The following CHODL variants were observed in gnomAD, a reference collection of about 807,000 sequenced individuals.
CHODL encodes chondrolectin.
A neutral mutation model predicts 34.5 loss-of-function variants in CHODL; 29 were observed. The ratio of observed to expected loss-of-function variants is 0.84; its 90% CI spans 0.63 to 1.15. CHODL has a LOEUF of 1.15. Among genes scored for constraint, CHODL ranks in the 50% most tolerant of loss-of-function variants. The pLI is 0.00. For synonymous variants in CHODL, 125 were observed against 116.1 expected, an observed-to-expected ratio of 1.08 and a Z score of -0.49; for missense variants, 332 against 332.5, an observed-to-expected ratio of 1.00 and a Z score of 0.01.
intron 2 of CHODL, among the ~76,000 whole-genome samples, chr21:18,082,219 C>T (rs2064951150): frequency 6.6e-6 from 1 of 152,174 alleles, no homozygotes; most frequent in South Asian, 2.1e-4. Context: ...TTCTCTCCTG[C>T]TATGCCATGG....
At chr21:18,175,486 G>A (rs9976823) in intron 2 of CHODL, among the ~76,000 whole-genome samples, 73,705 of 151,562 alleles carry the variant, frequency 0.49, 20,730 homozygotes, top group Non-Finnish European at 0.65. Context: ...CCAGCTACTC[G>A]GGAGGCTGAG....
At chr21:18,223,943 A>C (rs2073907775) in intron 2 of CHODL, among the ~76,000 whole-genome samples, 1 of 152,238 alleles carries the variant, frequency 6.6e-6, no homozygotes, top group Non-Finnish European at 1.5e-5. Context: ...CCAAGAGCCC[A>C]GTGTTAGCGA....
chr21:18,121,214 C>A (rs1448571919), intron 2 of CHODL, among the ~76,000 whole-genome samples: 1 of 152,232 alleles, frequency 6.6e-6, no homozygotes, highest in Admixed American at 6.5e-5. Flanking sequence ...CTTTTGACTT[C>A]CCTGGGCCAC....
chr21:18,183,690 T>C (rs2073408005), intron 2 of CHODL, among the ~76,000 whole-genome samples: 1 of 152,206 alleles, frequency 6.6e-6, no homozygotes, highest in African/African-American at 2.4e-5. Flanking sequence ...CAAAATGTCA[T>C]AATTTTATAC....
chr21:18,120,983 T>C (rs2146576767), intron 2 of CHODL, among the ~76,000 whole-genome samples: 1 of 152,262 alleles, frequency 6.6e-6, no homozygotes, highest in South Asian at 2.1e-4. Flanking sequence ...GTTATAAGGC[T>C]CGGATTGCAT....
intron 2 of CHODL, among the ~76,000 whole-genome samples, chr21:18,066,624 G>T (rs565747223): frequency 6.6e-6 from 1 of 152,264 alleles, no homozygotes; most frequent in African/African-American, 2.4e-5. Context: ...TTTCTGGAAA[G>T]TATAACTTAG....
rs1312405955 is a variant in CHODL, at chr21:18,260,204, T to G, written c.552T>G (p.Ile184Met). The change falls in exon 4 of 6, where the codon ATT becomes ATG. Residue 184 changes from isoleucine (I) to methionine (M), a missense_variant. By Grantham distance (10) the Ile-to-Met change is conservative. Coordinates refer to ENST00000299295, the MANE Select transcript of CHODL (RefSeq NM_024944.3). ...GGTGGTTCTTATTATTTACAGAGAT[T>G]AATCCAACAGCCCCTGTAGAAAAGC... ...HNYICKYEPE[I>M]NPTAPVEKPY... 2.6e-6 allele frequency: 4 copies of G among 1,545,488 alleles called. No individual in the cohort carries two copies. The highest frequency in any genetic ancestry group is 2.5e-5 in the South Asian group (2 of 79,912).
At chr21:18,203,507 AT>A (rs2073678444) in intron 2 of CHODL, among the ~76,000 whole-genome samples, 1 of 152,146 alleles carries the variant, frequency 6.6e-6, no homozygotes, top group African/African-American at 2.4e-5. Context: ...CTAGCTACAC[AT>A]TCCATTTTCT....
At chr21:18,192,534 T>A (rs1203403780) in intron 2 of CHODL, among the ~76,000 whole-genome samples, 1 of 152,198 alleles carries the variant, frequency 6.6e-6, no homozygotes, top group African/African-American at 2.4e-5. Context: ...TACGGTTATA[T>A]AGCTTAATTC....
intron 1 of CHODL, among the ~76,000 whole-genome samples, chr21:18,003,121 C>CAAA (rs372188101): frequency 1.3e-5 from 1 of 75,676 alleles, no homozygotes; most frequent in African/African-American, 4.6e-5. Context: ...GACTCCGTCT[C>CAAA]AAAAAAAAAA....
intron 2 of CHODL, among the ~76,000 whole-genome samples, chr21:18,238,667 G>C (rs772234417): frequency 4.6e-5 from 7 of 152,044 alleles, no homozygotes; most frequent in South Asian, 4.1e-4. Context: ...GTGAGGTCTA[G>C]CTTTATGCTC....
At chr21:17,934,445 C>G (rs756881819) in intron 1 of CHODL, among the ~76,000 whole-genome samples, 5 of 152,018 alleles carry the variant, frequency 3.3e-5, no homozygotes, top group Non-Finnish European at 7.4e-5. Context: ...CTCTCTCTCT[C>G]TCCCTATTAG....
intron 2 of CHODL, among the ~76,000 whole-genome samples, chr21:18,195,630 CAG>C (rs1359894425): frequency 6.6e-6 from 1 of 152,138 alleles, no homozygotes; most frequent in African/African-American, 2.4e-5. Flanking sequence ...TTTCATATGA[CAG>C]AATTTCTGTA....
Position 18,040,720 on chromosome 21 carries a change from A to T in CHODL, c.-45+12749A>T, listed in dbSNP as rs558058497. ...AATCAAATTTCATACCATTTTATTA[A>T]TTGGGACCATTTTATTTTAGTGTAT... On this transcript the variant is annotated intron_variant, in intron 2 of 6. Coordinates refer to the CHODL transcript ENST00000400127. Among the ~76,000 whole-genome samples, 4 of 152,010 alleles carry T rather than the reference A, an allele frequency of 2.6e-5. No homozygotes were observed. The South Asian group carries it at 6.2e-4, about 24-fold the overall frequency.
At chr21:18,010,604 T>G (rs965557401) in intron 1 of CHODL, among the ~76,000 whole-genome samples, 1 of 152,236 alleles carries the variant, frequency 6.6e-6, no homozygotes, top group Non-Finnish European at 1.5e-5. Flanking sequence ...AAGTGTGGTT[T>G]GCTTGTGCTG....
At chr21:17,921,412 A>G (rs2063182424) in intron 1 of CHODL, among the ~76,000 whole-genome samples, 1 of 152,234 alleles carries the variant, frequency 6.6e-6, no homozygotes, top group African/African-American at 2.4e-5. Context: ...TGTGTTGGGC[A>G]GAAGTGATGT....
At chr21:18,152,130 C>T (rs917323717) in intron 2 of CHODL, among the ~76,000 whole-genome samples, 1 of 151,950 alleles carries the variant, frequency 6.6e-6, no homozygotes. Flanking sequence ...GAAATGTTAA[C>T]AATTCATTGA....
At chr21:17,926,375 G>GTTTTTTTTTTTTTTTT (rs767844049) in intron 1 of CHODL, among the ~76,000 whole-genome samples, 1 of 60,540 alleles carries the variant, frequency 1.7e-5, no homozygotes, top group African/African-American at 4.3e-5. Flanking sequence ...AAATAAGGTG[G>GTTTTTTTTTTTTTTTT]GTTTTTTTTT....
chr21:18,128,296 C>CAAAAAAAAAAAA lies in CHODL; in HGVS notation c.-45+100359_-45+100370dup, dbSNP rs71189585. On this transcript the variant is annotated intron_variant, in intron 2 of 6. Transcript: ENST00000400127. ...AGCCTGGGTGACAGAGCAAGAGTCTCAAAAAAAAAAAAAAAAAAAAAAAAA... is the reference window on the plus strand; with the variant it reads ...AGCCTGGGTGACAGAGCAAGAGTCTCAAAAAAAAAAAAAAAAAAAAAAAAAAAAAAAAAAAAA... Among the ~76,000 whole-genome samples the CAAAAAAAAAAAA allele has an allele frequency of 2.1e-4, 6 of 28,058 alleles. 1 individual carries two copies. The highest frequency in any genetic ancestry group is 3.9e-4 in the African/African-American group (3 of 7,710). 18.4% of individuals were successfully genotyped at this position (28,058 alleles called of 152,430 possible).
Sources: allele counts gnomAD v4.1 joint callset (sites outside exome capture counted in the v4.1 genomes callset), GRCh38; gene constraint gnomAD v4.1.1; transcripts MANE v1.5; gene names NCBI Gene and HGNC (gene_info 2026-07-23, HGNC 2026-07-21).